The following TANC2 variants were observed in gnomAD, a reference collection of about 807,000 sequenced individuals.
The protein encoded by TANC2 is tetratricopeptide repeat, ankyrin repeat and coiled-coil containing 2.
A neutral mutation model predicts 210.5 loss-of-function variants in TANC2; 26 were observed. The ratio of observed to expected loss-of-function variants is 0.12; its 90% CI spans 0.09 to 0.17. TANC2 has a LOEUF of 0.17. TANC2 is among the 10% of genes least tolerant of loss of function. The pLI, the probability that TANC2 is intolerant of heterozygous loss-of-function variation, is 1.00. For missense variants in TANC2, 2,129 were observed against 2,608.9 expected (o/e 0.82, Z 4.01); for synonymous variants, 931 against 967.1 (o/e 0.96, Z 0.69).
intron 1 of TANC2, among the ~76,000 whole-genome samples, chr17:63,002,722 A>G (rs1039719565): frequency 5.3e-5 from 8 of 152,202 alleles, no homozygotes; most frequent in Non-Finnish European, 1.5e-5. Flanking sequence ...TGAAGTTGGT[A>G]TAAATGTAAT....
chr17:63,132,283 G>C (rs2145228750), intron 4 of TANC2, among the ~76,000 whole-genome samples: 1 of 151,846 alleles, frequency 6.6e-6, no homozygotes, highest in East Asian at 1.9e-4. Flanking sequence ...GTGATGAATA[G>C]AGCAATATAT....
At chr17:62,994,976 A>G (rs2033039476) in intron 1 of TANC2, among the ~76,000 whole-genome samples, 1 of 152,246 alleles carries the variant, frequency 6.6e-6, no homozygotes, top group Non-Finnish European at 1.5e-5. Context: ...CTGATGTGTC[A>G]TATTTCTTTT....
chr17:63,425,315 C>T (rs996659666), exon 28 of TANC2: 1 of 152,126 alleles, frequency 6.6e-6, no homozygotes, highest in Admixed American at 6.5e-5. Context: ...GTAGTTAAGC[C>T]TGGATTATTA....
intron 3 of TANC2, among the ~76,000 whole-genome samples, chr17:63,094,674 T>C (rs2037322869): frequency 6.6e-6 from 1 of 152,238 alleles, no homozygotes; most frequent in Non-Finnish European, 1.5e-5. Context: ...TAATCATTTA[T>C]GTTAAGTATA....
chr17:63,399,841 T>C (rs1351894880), intron 19 of TANC2, among the ~76,000 whole-genome samples: 3 of 152,252 alleles, frequency 2.0e-5, no homozygotes, highest in African/African-American at 7.2e-5. Flanking sequence ...TAGACACATT[T>C]CCTGACTTCT....
rs539036557 is a variant in TANC2, at chr17:63,344,275, A to G, written c.1807+3943A>G. ...TCCTCTCCACCCTCCACCCCAGAAA[A>G]ATTCTCTTCCATGAAACCAGTCCCT... On this transcript the variant is annotated intron_variant, in intron 12 of 27. Coordinates refer to ENST00000689528, the Ensembl canonical transcript of TANC2. 3.3e-4 allele frequency among the ~76,000 whole-genome samples: 51 copies of G among 152,288 alleles called. 1 individual carries two copies. Among genetic ancestry groups the G allele is most frequent in the Middle Eastern group, 6.8e-3 (2 of 294 alleles).
At chr17:63,193,013 A>G (rs2041235024) in intron 5 of TANC2, among the ~76,000 whole-genome samples, 1 of 152,190 alleles carries the variant, frequency 6.6e-6, no homozygotes, top group African/African-American at 2.4e-5. Flanking sequence ...ACAATGAGAA[A>G]AATTTGCAAA....
intron 4 of TANC2, among the ~76,000 whole-genome samples, chr17:63,117,520 G>A (rs529390991): frequency 5.5e-4 from 84 of 152,162 alleles, no homozygotes; most frequent in Non-Finnish European, 1.1e-3. Flanking sequence ...GTTGTTAGGG[G>A]TTCTAAACCC....
At chr17:63,001,088 C>A (rs1488521333) in intron 1 of TANC2, among the ~76,000 whole-genome samples, 1 of 151,132 alleles carries the variant, frequency 6.6e-6, no homozygotes, top group Non-Finnish European at 1.5e-5. Flanking sequence ...CTTTTTTTGA[C>A]TCTTAGTAAA....
At chr17:63,282,286 A>G (rs942720031) in intron 9 of TANC2, among the ~76,000 whole-genome samples, 1 of 152,100 alleles carries the variant, frequency 6.6e-6, no homozygotes, top group Non-Finnish European at 1.5e-5. Context: ...CAGGAATGAA[A>G]GAGGAGATAT....
intron 15 of TANC2, among the ~76,000 whole-genome samples, chr17:63,384,580 C>CTAA (rs2047717039): frequency 1.3e-5 from 2 of 152,126 alleles, no homozygotes; most frequent in South Asian, 4.2e-4. Context: ...GTAGAAGCCC[C>CTAA]TTTATATCTT....
At position 63,341,277 on chromosome 17, in the gene TANC2, C is replaced by T. The variant is rs115694445; in HGVS notation, c.1807+945C>T. 7.5e-3 allele frequency among the ~76,000 whole-genome samples: 1,149 copies of T among 152,308 alleles called. 15 individuals are homozygous for T. The highest frequency in any genetic ancestry group is 0.025 in the African/African-American group (1,048 of 41,556). The stretch of plus-strand genomic sequence containing the variant: ...TCTACTCTGATGACCTCTGTCACTA[C>T]CTTTGCTACCTGTTACCTTTTTAAA... On this transcript the variant is annotated intron_variant, in intron 12 of 27. Transcript: ENST00000689528.
At chr17:63,207,600 A>T (rs754162996) in intron 7 of TANC2, among the ~76,000 whole-genome samples, 2 of 152,136 alleles carry the variant, frequency 1.3e-5, no homozygotes, top group African/African-American at 4.8e-5. Flanking sequence ...TTGCCATATC[A>T]TATTCTACTG....
At chr17:63,149,676 C>T (rs2039581127) in intron 4 of TANC2, 1 of 147,936 alleles carries the variant, frequency 6.8e-6, no homozygotes, top group African/African-American at 2.5e-5. Flanking sequence ...ATTTTTAAAT[C>T]TGTTGGTGAA....
At chr17:63,285,989 G>A (rs945006557) in intron 9 of TANC2, among the ~76,000 whole-genome samples, 2 of 152,110 alleles carry the variant, frequency 1.3e-5, no homozygotes, top group Non-Finnish European at 2.9e-5. Flanking sequence ...TTTCTGAGGG[G>A]AGCAGCCTCA....
chr17:63,278,856 CA>C (rs2043973884), intron 9 of TANC2, among the ~76,000 whole-genome samples: 1 of 151,976 alleles, frequency 6.6e-6, no homozygotes, highest in South Asian at 2.1e-4. Context: ...CACAAAAGGA[CA>C]AATATGACAT....
chr17:63,201,116 G>A (rs2041518062), intron 7 of TANC2, among the ~76,000 whole-genome samples, 159 bp downstream of exon 7: 1 of 151,828 alleles, frequency 6.6e-6, no homozygotes, highest in Admixed American at 6.6e-5. Context: ...GAAACCTAAG[G>A]GTAAACAAAA....
At chr17:63,113,847 T>C (rs1414762862) in intron 4 of TANC2, among the ~76,000 whole-genome samples, 1 of 152,216 alleles carries the variant, frequency 6.6e-6, no homozygotes, top group African/African-American at 2.4e-5. Context: ...TGTGGTATTA[T>C]CTGTTTTGAT....
intron 12 of TANC2, 143 bp downstream of exon 12, chr17:63,340,475 G>A: frequency 1.5e-6 from 1 of 672,496 alleles, no homozygotes; most frequent in Admixed American, 3.3e-5. Context: ...ACAGTTAACA[G>A]ACAAGAGATT....
Sources: gnomAD v4.1 joint callset for allele counts (sites outside exome capture counted in the v4.1 genomes callset) on GRCh38, gnomAD v4.1.1 for gene constraint, MANE v1.5 for transcripts, NCBI Gene and HGNC (gene_info 2026-07-23, HGNC 2026-07-21) for gene names.